The following ARHGEF3 variants were observed in gnomAD, a reference collection of about 807,000 sequenced individuals.
The protein encoded by ARHGEF3 is Rho guanine nucleotide exchange factor 3.
ARHGEF3 carries 28 observed loss-of-function variants against 63.2 expected under a neutral mutation model. That is an observed-to-expected ratio of 0.44 (90% CI 0.33 to 0.61). The LOEUF is 0.61. ARHGEF3 is among the 20% of genes least tolerant of loss of function. The probability of loss-of-function intolerance (pLI) is 0.03; values close to 1 mark genes in which losing one functional copy is unlikely to be tolerated. For synonymous variants in ARHGEF3, 266 were observed against 254.2 expected (o/e 1.05, Z -0.44); for missense variants, 533 against 659.3 (o/e 0.81, Z 2.10).
At chr3:56,962,446 C>T (rs1182007002) in intron 2 of ARHGEF3, among the ~76,000 whole-genome samples, 1 of 152,208 alleles carries the variant, frequency 6.6e-6, no homozygotes, top group Admixed American at 6.5e-5. Context: ...TGTGTCCAGC[C>T]CTCAGGCTCC....
intron 2 of ARHGEF3, among the ~76,000 whole-genome samples, chr3:57,013,560 C>T (rs11928436): frequency 0.19 from 28,183 of 150,140 alleles, 2,972 homozygotes; most frequent in East Asian, 0.37. Context: ...ATCAGTTCTC[C>T]GTGGCTAGCT....
At chr3:57,037,702 G>A (rs1045300033) in intron 1 of ARHGEF3, among the ~76,000 whole-genome samples, 2 of 152,138 alleles carry the variant, frequency 1.3e-5, no homozygotes, top group African/African-American at 2.4e-5. Flanking sequence ...GTGAAAACCC[G>A]TCTCTATTAA....
At chr3:56,732,084 C>T (rs2033205676) in intron 9 of ARHGEF3, 154 bp downstream of exon 9, 3 of 894,518 alleles carry the variant, frequency 3.4e-6, no homozygotes, top group African/African-American at 1.7e-5. Flanking sequence ...ATCACAGGGA[C>T]TAAACAAAGT....
chr3:56,915,956 A>G (rs2041976310), intron 3 of ARHGEF3, among the ~76,000 whole-genome samples: 1 of 152,172 alleles, frequency 6.6e-6, no homozygotes. Flanking sequence ...AAAAATTAAA[A>G]CAGTAGCATT....
At chr3:57,072,128 G>A (rs1218917454) in intron 1 of ARHGEF3, among the ~76,000 whole-genome samples, 1 of 152,174 alleles carries the variant, frequency 6.6e-6, no homozygotes, top group African/African-American at 2.4e-5. Flanking sequence ...AACAAGAGTT[G>A]ATGAAGATGT....
At chr3:56,996,562 G>A (rs762616335) in intron 2 of ARHGEF3, among the ~76,000 whole-genome samples, 3 of 152,166 alleles carry the variant, frequency 2.0e-5, no homozygotes, top group East Asian at 1.9e-4. Context: ...ATCTATGAAC[G>A]AGGAAATGGG....
At chr3:57,042,551 T>C (rs989756981) in intron 1 of ARHGEF3, among the ~76,000 whole-genome samples, 4 of 149,728 alleles carry the variant, frequency 2.7e-5, no homozygotes, top group African/African-American at 9.8e-5. Context: ...TTTTACACCA[T>C]GGAAATCAGA....
At chr3:56,747,082 G>C (rs1343271922) in intron 6 of ARHGEF3, among the ~76,000 whole-genome samples, 4 of 131,162 alleles carry the variant, frequency 3.0e-5, no homozygotes, top group Non-Finnish European at 3.4e-5. Context: ...GAGAGAGAGA[G>C]AGAGAGAGAG....
intron 3 of ARHGEF3, among the ~76,000 whole-genome samples, chr3:56,895,529 T>C (rs748397925): frequency 6.6e-6 from 1 of 152,016 alleles, no homozygotes; most frequent in Non-Finnish European, 1.5e-5. Flanking sequence ...AGTGGCGCTA[T>C]CTTGGCTCAC....
intron 1 of ARHGEF3, among the ~76,000 whole-genome samples, chr3:57,051,497 A>C (rs1366089942): frequency 6.6e-6 from 1 of 152,194 alleles, no homozygotes; most frequent in Non-Finnish European, 1.5e-5. Flanking sequence ...CAAAAAAAAT[A>C]AAAAATGTGG....
intron 3 of ARHGEF3, among the ~76,000 whole-genome samples, chr3:56,910,066 T>C (rs1397304824): frequency 5.9e-5 from 9 of 152,092 alleles, no homozygotes; most frequent in Admixed American, 2.6e-4. Context: ...GAGTAAATGT[T>C]TGTTATTGTT....
chr3:56,799,044 TAC>T (rs1479139573), intron 1 of ARHGEF3, among the ~76,000 whole-genome samples: 1 of 152,178 alleles, frequency 6.6e-6, no homozygotes, highest in Non-Finnish European at 1.5e-5. Flanking sequence ...AAAATAAAAA[TAC>T]ATTTTAAAAA....
At chr3:56,854,329 G>A (rs1418590267) in intron 4 of ARHGEF3, among the ~76,000 whole-genome samples, 1 of 152,218 alleles carries the variant, frequency 6.6e-6, no homozygotes, top group Non-Finnish European at 1.5e-5. Flanking sequence ...GCTGGCATAT[G>A]GAGAAGGAGC....
rs1906506 is a variant in ARHGEF3, at chr3:57,035,202, C to T, written c.-27-26G>A. On this transcript the variant is annotated intron_variant, in intron 1 of 12. Transcript: ENST00000338458. ...CTTTTTTAAAAAGCAAAACAACCAACATTTATCATCTAGGTACATTTATGT... is the reference window on the plus strand; with the variant it reads ...CTTTTTTAAAAAGCAAAACAACCAATATTTATCATCTAGGTACATTTATGT... 1.4e-3 allele frequency: 1,768 copies of T among 1,267,866 alleles called. 17 individuals carry two copies. The African/African-American group carries it at 0.024, about 17-fold the overall frequency. 78.5% of individuals were successfully genotyped at this position (1,267,866 alleles called of 1,614,324 possible).
intron 1 of ARHGEF3, among the ~76,000 whole-genome samples, chr3:57,053,748 A>G (rs1413396416): frequency 6.6e-6 from 1 of 152,196 alleles, no homozygotes; most frequent in East Asian, 1.9e-4. Flanking sequence ...ACATAAATGG[A>G]ATCATACAGT....
intron 2 of ARHGEF3, among the ~76,000 whole-genome samples, chr3:57,034,099 C>T (rs1703849438): frequency 6.6e-6 from 1 of 151,742 alleles, no homozygotes; most frequent in South Asian, 2.1e-4. Context: ...ATTGACATTA[C>T]ACTAAAAGTT....
chr3:56,907,759 T>TG (rs2041734840), intron 3 of ARHGEF3, among the ~76,000 whole-genome samples: 1 of 152,120 alleles, frequency 6.6e-6, no homozygotes, highest in African/African-American at 2.4e-5. Flanking sequence ...AGCAAACTAA[T>TG]GCAGGAACAG....
intron 4 of ARHGEF3, among the ~76,000 whole-genome samples, chr3:56,823,921 T>C (rs2038611996): frequency 6.7e-6 from 1 of 149,478 alleles, no homozygotes; most frequent in Non-Finnish European, 1.5e-5. Flanking sequence ...AAGAATATGT[T>C]AGAGGAGACT....
At chr3:57,063,149 A>G (rs1705324888) in intron 1 of ARHGEF3, among the ~76,000 whole-genome samples, 1 of 152,222 alleles carries the variant, frequency 6.6e-6, no homozygotes, top group African/African-American at 2.4e-5. Flanking sequence ...CAGCGGGAAT[A>G]GCAGGTGCAA....
Sources: allele counts gnomAD v4.1 joint callset (sites outside exome capture counted in the v4.1 genomes callset), GRCh38; gene constraint gnomAD v4.1.1; transcripts MANE v1.5; gene names NCBI Gene and HGNC (gene_info 2026-07-23, HGNC 2026-07-21).